The following SIM2 variants were observed in gnomAD, a reference collection of about 807,000 sequenced individuals.
The protein encoded by SIM2 is SIM bHLH transcription factor 2.
SIM2 carries 28 observed loss-of-function variants against 64.8 expected under a neutral mutation model. The ratio of observed to expected loss-of-function variants is 0.43; its 90% CI spans 0.32 to 0.59. The LOEUF (loss-of-function observed/expected upper bound fraction) is 0.59, where lower values mean the gene tolerates loss of function less well. SIM2 is among the 20% of genes least tolerant of loss of function. The pLI is 0.07. For synonymous variants in SIM2, 408 were observed against 391.1 expected (o/e 1.04, Z -0.51); for missense variants, 847 against 871.4 (o/e 0.97, Z 0.35).
chr21:36,743,322 G>A, intron 8 of SIM2, 65 bp from the exon 9 acceptor site: 1 of 1,472,278 alleles, frequency 6.8e-7, no homozygotes. Flanking sequence ...CAAGGGCTGG[G>A]GCCAGGGAAG....
At chr21:36,743,643 T>C in intron 9 of SIM2, 88 bp downstream of exon 9, 1 of 1,260,684 alleles carries the variant, frequency 7.9e-7, no homozygotes, top group South Asian at 1.4e-5. Flanking sequence ...GGGGAGCCTC[T>C]CATTGCACAG....
intron 1 of SIM2, 143 bp downstream of exon 1, chr21:36,700,064 C>G (rs2088467420): frequency 2.5e-6 from 2 of 813,304 alleles, no homozygotes; most frequent in African/African-American, 3.7e-5. Flanking sequence ...GCGTGAGGGT[C>G]TTCGGCTTCG....
chr21:36,719,491 T>G (rs1053210553), intron 3 of SIM2, among the ~76,000 whole-genome samples: 1 of 152,162 alleles, frequency 6.6e-6, no homozygotes, highest in East Asian at 1.9e-4. Flanking sequence ...CTCTTCTGTA[T>G]GAAGGATGCT....
At chr21:36,714,425 G>A (rs987931932) in intron 3 of SIM2, among the ~76,000 whole-genome samples, 22 of 152,278 alleles carry the variant, frequency 1.4e-4, no homozygotes, top group African/African-American at 5.1e-4. Context: ...AGTTTTTATT[G>A]TCTGATAGGG....
chr21:36,744,625 C>G, intron 9 of SIM2, 103 bp from the exon 10 acceptor site: 5 of 1,397,460 alleles, frequency 3.6e-6, no homozygotes, highest in Non-Finnish European at 4.7e-6. Flanking sequence ...TAGGGGCAGC[C>G]CTTGGATGGG....
Position 36,723,144 on chromosome 21 carries a change from T to A in SIM2, c.543+14T>A. On this transcript the variant is annotated intron_variant, in intron 5 of 10. Transcript: ENST00000290399. ...AGCGGATACAAGGTACGGGGAGTCATGGGTGCGGGGAGGAGCTGGCTAAGG... is the reference window on the plus strand; with the variant it reads ...AGCGGATACAAGGTACGGGGAGTCAAGGGTGCGGGGAGGAGCTGGCTAAGG... The A allele has an allele frequency of 6.2e-7, 1 of 1,609,918 alleles. No individual in the cohort carries two copies. The highest frequency in any genetic ancestry group is 8.5e-7 in the Non-Finnish European group (1 of 1,176,302).
In SIM2 at chr21:36,726,231, C is replaced by T. The variant is rs2088889418; in HGVS notation, c.656C>T (p.Pro219Leu). The T allele has an allele frequency of 1.2e-6, 2 of 1,613,740 alleles. No homozygotes were observed. The highest frequency in any genetic ancestry group is 2.2e-5 in the East Asian group (1 of 44,876). Residue 219 changes from proline (P) to leucine (L), a missense_variant, in exon 6 of 11, where the codon CCC (proline) becomes CTC (leucine). Pro to Leu is a moderately conservative substitution (Grantham distance 98). Transcript: ENST00000290399. The surrounding 1 kb of genome is among the most constrained non-coding windows in gnomAD (Gnocchi z 4.5). ...GLVAVGQSLP[P>L]SAITEIKLYS... ...GTGGCCGTGGGCCAGTCGCTGCCAC[C>T]CAGTGCCATCACCGAGATCAAGCTG... is the stretch of plus-strand genomic sequence containing the variant.
At chr21:36,744,561 G>A (rs1243250649) in intron 9 of SIM2, among the ~76,000 whole-genome samples, 167 bp from the exon 10 acceptor site, 1 of 152,162 alleles carries the variant, frequency 6.6e-6, no homozygotes, top group Non-Finnish European at 1.5e-5. Context: ...AGGTCACTGG[G>A]GTATCGCTCG....
chr21:36,726,611 A>G lies in SIM2; in HGVS notation c.743+293A>G, dbSNP rs138519264. On this transcript the variant is annotated intron_variant, in intron 6 of 10. Transcript: ENST00000290399. The surrounding 1 kb of genome is among the most constrained non-coding windows in gnomAD (Gnocchi z 4.5). ...ATTTTATTTACTTATTTGAATCACTAGAGTTTGAAATGAAAACATGGGCTG... is the reference window on the plus strand; with the variant it reads ...ATTTTATTTACTTATTTGAATCACTGGAGTTTGAAATGAAAACATGGGCTG... Among the ~76,000 whole-genome samples, 49 of 152,360 alleles carry G rather than the reference A, an allele frequency of 3.2e-4. No homozygotes were observed. The highest frequency in any genetic ancestry group is 1.1e-3 in the African/African-American group (47 of 41,584).
At position 36,747,869 on chromosome 21, in the gene SIM2, A is replaced by G. The variant is rs1361704434; in HGVS notation, c.1781A>G (p.Gln594Arg). The G allele has an allele frequency of 1.9e-6, 2 of 1,050,810 alleles. No individual in the cohort carries two copies. The highest frequency in any genetic ancestry group is 2.3e-6 in the Non-Finnish European group (2 of 868,536). 65.1% of individuals were successfully genotyped at this position (1,050,810 alleles called of 1,614,324 possible). ...PTPEAPGAPA[Q>R]LPFVLLNYHR... ...CCCGAGGCCCCGGGCGCGCCGGCGC[A>G]GCTGCCCTTCGTGCTGCTCAACTAC... is the stretch of plus-strand genomic sequence containing the variant. Residue 594 changes from glutamine to arginine, a missense_variant, in exon 11 of 11, where the codon CAG becomes CGG. Around this residue, in one of 3 missense-constraint regions of SIM2, gnomAD observed 447 missense variants for 414.6 expected, o/e 1.08. Coordinates refer to ENST00000290399, the MANE Select transcript of SIM2 (RefSeq NM_005069.6). This position sits in a 1 kb window ranked among gnomAD's most constrained non-coding sequence, Gnocchi z 4.5.
rs2089221962 is a variant in SIM2 at position 36,745,854 on chromosome 21, T to G, written c.1576+718T>G. 1 of 1,303,296 alleles carries G rather than the reference T, an allele frequency of 7.7e-7. No homozygotes were observed. Among genetic ancestry groups the G allele is most frequent in the South Asian group, 1.2e-5 (1 of 80,952 alleles). 80.7% of individuals were successfully genotyped at this position (1,303,296 alleles called of 1,614,324 possible). A position where few individuals can be genotyped will look rare whatever the true frequency, so the allele number is the denominator to read the frequency against. ...TCCCCAGGACGCAGACTGACTCCTGTTTGCTCGCTGGACCAACCCCAGGCA... is the reference window on the plus strand; with the variant it reads ...TCCCCAGGACGCAGACTGACTCCTGGTTGCTCGCTGGACCAACCCCAGGCA... On this transcript the variant is annotated intron_variant, in intron 10 of 10. Transcript: ENST00000290399. The surrounding 1 kb of genome is among the most constrained non-coding windows in gnomAD (Gnocchi z 4.8).
At chr21:36,702,446 G>A (rs1336244820) in intron 1 of SIM2, among the ~76,000 whole-genome samples, 2 of 152,214 alleles carry the variant, frequency 1.3e-5, no homozygotes, top group Non-Finnish European at 2.9e-5. Context: ...ACCTGGAGCC[G>A]GTGGACTCAT....
At chr21:36,731,727 T>C (rs1347703164) in intron 7 of SIM2, among the ~76,000 whole-genome samples, 1 of 152,162 alleles carries the variant, frequency 6.6e-6, no homozygotes, top group Non-Finnish European at 1.5e-5. Flanking sequence ...GAGGCCACCA[T>C]TCCACGATGG....
In SIM2 at chr21:36,731,158, A is replaced by T. The variant is rs943565343; in HGVS notation, c.850+7A>T. On this transcript the variant is annotated splice_region_variant and intron_variant, in intron 7 of 10. Transcript: ENST00000290399. ...CGCTACGCACACCACCTCCGTGAGT[A>T]GCACGCCCACCCCAGCCACGGGAGG... 6.2e-7 allele frequency: 1 copy of T among 1,610,782 alleles called. No homozygotes were observed. The highest frequency in any genetic ancestry group is 8.5e-7 in the Non-Finnish European group (1 of 1,177,504).
chr21:36,730,422 G>A (rs1011041581), intron 6 of SIM2, among the ~76,000 whole-genome samples: 1 of 152,172 alleles, frequency 6.6e-6, no homozygotes, highest in Non-Finnish European at 1.5e-5. Flanking sequence ...CTTTCTCGAA[G>A]AGAAAAATTC....
chr21:36,709,031 G>A (rs549117832), intron 1 of SIM2, 137 bp from the exon 2 acceptor site: 1 of 687,890 alleles, frequency 1.5e-6, no homozygotes, highest in Admixed American at 3.1e-5. Flanking sequence ...CGGCTGCGGA[G>A]CCGGGGAGGC....
At chr21:36,707,744 G>A (rs2088605926) in intron 1 of SIM2, among the ~76,000 whole-genome samples, 1 of 152,054 alleles carries the variant, frequency 6.6e-6, no homozygotes, top group Non-Finnish European at 1.5e-5. Context: ...GAGAGACCCA[G>A]GGTGCTCTGG....
chr21:36,736,854 CTTTCTT>C (rs1212481957), intron 7 of SIM2, among the ~76,000 whole-genome samples: 2 of 24,620 alleles, frequency 8.1e-5, no homozygotes, highest in Non-Finnish European at 2.2e-4. Flanking sequence ...TCTTTTCTTT[CTTTCTT>C]TTTCTTTCTT....
chr21:36,741,798 C>T lies in SIM2; in HGVS notation c.932C>T (p.Ala311Val), dbSNP rs201982331. ...GGCTGGGTGTGGGTGCAGAGCTACGCCACCGTGGTGCACAACAGCCGCTCG... is the reference window on the plus strand; with the variant it reads ...GGCTGGGTGTGGGTGCAGAGCTACGTCACCGTGGTGCACAACAGCCGCTCG... ...RGGWVWVQSY[A>V]TVVHNSRSSR... The change falls in exon 8 of 11, where the codon GCC (alanine) becomes GTC (valine). Residue 311 changes from alanine (A) to valine (V), a missense_variant. Around this residue, in one of 3 missense-constraint regions of SIM2, gnomAD observed 397 missense variants for 439.2 expected, o/e 0.90. Coordinates refer to ENST00000290399, the MANE Select transcript of SIM2 (RefSeq NM_005069.6). The T allele has an allele frequency of 8.0e-5, 129 of 1,612,164 alleles. No homozygotes were observed. Among genetic ancestry groups the T allele is most frequent in the Admixed American group, 1.7e-5 (1 of 59,892 alleles).
Sources: gnomAD v4.1 joint callset for allele counts (sites outside exome capture counted in the v4.1 genomes callset) on GRCh38, gnomAD v4.1.1 for gene constraint, gnomAD v4.1.1 regional missense constraint, Gnocchi (gnomAD v3.1) non-coding constraint, MANE v1.5 for transcripts, NCBI Gene and HGNC (gene_info 2026-07-23, HGNC 2026-07-21) for gene names.